Variants in ABCB9 observed in about 807,000 individuals in gnomAD.
ABCB9 encodes ATP binding cassette subfamily B member 9.
In ABCB9, 36 loss-of-function variants were observed where a neutral mutation model predicts 62.0. The observed-to-expected ratio is 0.58, with a 90% confidence interval of 0.45 to 0.77. The LOEUF (loss-of-function observed/expected upper bound fraction) is 0.77, where lower values mean the gene tolerates loss of function less well. ABCB9 is among the 30% of genes least tolerant of loss of function. The pLI, the probability that ABCB9 is intolerant of heterozygous loss-of-function variation, is 0.00. For missense variants in ABCB9, 943 were observed against 1,054.7 expected (o/e 0.89, Z 1.47); for synonymous variants, 435 against 461.4 (o/e 0.94, Z 0.73).
At position 122,940,360 on chromosome 12, in the gene ABCB9, G is replaced by A. The variant is rs928843472; in HGVS notation, c.1570-76C>T. ...ACTGGATGCCCTGACCTTGGACACAGGTGGGTGCCCTTCCCAGCCCACCCC... is the reference window on the plus strand; with the variant it reads ...ACTGGATGCCCTGACCTTGGACACAAGTGGGTGCCCTTCCCAGCCCACCCC... On this transcript the variant is annotated intron_variant, in intron 8 of 11. Transcript: ENST00000280560. The surrounding 1 kb of genome is among the most constrained non-coding windows in gnomAD (Gnocchi z 4.8). 6.7e-7 allele frequency: 1 copy of A among 1,492,192 alleles called. No individual in the cohort carries two copies. The highest frequency in any genetic ancestry group is 1.4e-5 in the African/African-American group (1 of 71,280). The allele number at this position is 1,492,192 out of a possible 1,614,324, so 92.4% of individuals were successfully genotyped here.
rs376889232 is a variant in ABCB9, at chr12:122,948,656, T to A, written c.1021A>T (p.Met341Leu). 2 of 1,613,634 alleles carry A rather than the reference T, an allele frequency of 1.2e-6. No individual in the cohort carries two copies. Among genetic ancestry groups the A allele is most frequent in the African/African-American group, 2.7e-5 (2 of 74,898 alleles). ...VTFMGFPIIMMVSNIYGKYYK... is the reference protein window; with the variant it reads ...VTFMGFPIIMLVSNIYGKYYK... The stretch of plus-strand genomic sequence containing the variant: ...TACTTGCCGTAGATGTTGGACACCA[T>A]CATGATGATGGGGAAGCCCATGAAG... Residue 341 changes from methionine (M) to leucine (L), a missense_variant, in exon 5 of 12, where the codon ATG becomes TTG. Transcript: ENST00000280560.
Position 122,948,774 on chromosome 12 carries a change from G to A in ABCB9, c.903C>T (p.Ser301=). 1 of 1,609,210 alleles carries A rather than the reference G, an allele frequency of 6.2e-7. No homozygotes were observed. Among genetic ancestry groups the A allele is most frequent in the Admixed American group, 1.7e-5 (1 of 59,340 alleles). Residue 301 remains serine (S), a synonymous_variant, in exon 5 of 12, where the codon TCC becomes TCT. Coordinates refer to ENST00000280560, the MANE Select transcript of ABCB9 (RefSeq NM_019625.4). ...SDTTMVSDLV[S]QNINVFLRNT... ...TCCGCAGGAAGACATTGATGTTCTG[G>A]GAGACCAGGTCGCTGACCATGGTGG... is the stretch of plus-strand genomic sequence containing the variant.
intron 11 of ABCB9, among the ~76,000 whole-genome samples, chr12:122,922,426 C>T (rs2034770845): frequency 6.6e-6 from 1 of 152,190 alleles, no homozygotes; most frequent in African/African-American, 2.4e-5. Context: ...GTTGCCCAGG[C>T]TGGAGTGCAG....
chr12:122,959,622 G>T lies in ABCB9; in HGVS notation c.601+13C>A. 1 of 1,532,776 alleles carries T rather than the reference G, an allele frequency of 6.5e-7. No homozygotes were observed. Among genetic ancestry groups the T allele is most frequent in the Non-Finnish European group, 8.8e-7 (1 of 1,138,866 alleles). 94.9% of individuals were successfully genotyped at this position (1,532,776 alleles called of 1,614,324 possible). A position where few individuals can be genotyped will look rare whatever the true frequency, so the allele number is the denominator to read the frequency against. ...TGTTCTGGTGGCCACATGTCCCCGA[G>T]GTCCTTACTTACCCAGAGCTGCCAC... On this transcript the variant is annotated intron_variant, in intron 2 of 11. Coordinates refer to ENST00000280560, the MANE Select transcript of ABCB9 (RefSeq NM_019625.4). The surrounding 1 kb of genome is among the most constrained non-coding windows in gnomAD (Gnocchi z 5.4).
chr12:122,964,041 C>T lies in ABCB9; in HGVS notation c.-88+2246G>A, dbSNP rs1048153630. Among the ~76,000 whole-genome samples the T allele has an allele frequency of 6.6e-6, 1 of 152,204 alleles. No individual in the cohort carries two copies. The highest frequency in any genetic ancestry group is 2.4e-5 in the African/African-American group (1 of 41,450). On this transcript the variant is annotated intron_variant, in intron 1 of 11. Coordinates refer to ENST00000280560, the MANE Select transcript of ABCB9 (RefSeq NM_019625.4). This position sits in a 1 kb window ranked among gnomAD's most constrained non-coding sequence, Gnocchi z 4.7. ...GGAAGCTCCTGGCCTGGTGCCATTC[C>T]AGGCCTCCCAGCCAAGCCACTGCCG...
In ABCB9 at chr12:122,964,537, C is replaced by T. The variant is rs923680728; in HGVS notation, c.-88+1750G>A. ...CTCCTAGCAGAGTGGACTCCAGCCC[C>T]GGGTCGGGTTACAGTCCTCGGTGGG... is the stretch of plus-strand genomic sequence containing the variant. On this transcript the variant is annotated intron_variant, in intron 1 of 11. Coordinates refer to ENST00000280560, the MANE Select transcript of ABCB9 (RefSeq NM_019625.4). The surrounding 1 kb of genome is among the most constrained non-coding windows in gnomAD (Gnocchi z 4.7). 6.6e-6 allele frequency among the ~76,000 whole-genome samples: 1 copy of T among 152,302 alleles called. No homozygotes were observed. Among genetic ancestry groups the T allele is most frequent in the East Asian group, 1.9e-4 (1 of 5,188 alleles).
chr12:122,950,330 G>C, intron 3 of ABCB9, 121 bp downstream of exon 3: 1 of 941,608 alleles, frequency 1.1e-6, no homozygotes, highest in East Asian at 2.7e-5. Context: ...TGAGGGACAG[G>C]CCCACCAGGG....
downstream of ABCB9, among the ~76,000 whole-genome samples, chr12:122,927,133 T>C (rs2034928487): frequency 6.6e-6 from 1 of 152,206 alleles, no homozygotes; most frequent in African/African-American, 2.4e-5. Context: ...CTTTCTGTAT[T>C]GTTTTGTGAC....
At chr12:122,931,071 C>T (rs993533514) in intron 11 of ABCB9, among the ~76,000 whole-genome samples, 2 of 152,166 alleles carry the variant, frequency 1.3e-5, no homozygotes, top group Non-Finnish European at 2.9e-5. Flanking sequence ...GTTGCCAAGG[C>T]TGGAGTGCAG....
Position 122,932,038 on chromosome 12 carries a change from C to G in ABCB9, c.2040+154G>C, listed in dbSNP as rs995989202. On this transcript the variant is annotated intron_variant, in intron 11 of 11. Transcript: ENST00000280560. This position sits in a 1 kb window ranked among gnomAD's most constrained non-coding sequence, Gnocchi z 4.7. ...GTCCAGAGTGGCTCCTGGCTCCCCACTCTCAACACCAGGAATTCACCAGCC... is the reference window on the plus strand; with the variant it reads ...GTCCAGAGTGGCTCCTGGCTCCCCAGTCTCAACACCAGGAATTCACCAGCC... The G allele has an allele frequency of 2.2e-6, 3 of 1,381,038 alleles. No individual in the cohort carries two copies. Among genetic ancestry groups the G allele is most frequent in the Non-Finnish European group, 3.0e-6 (3 of 1,014,926 alleles). 85.5% of individuals were successfully genotyped at this position (1,381,038 alleles called of 1,614,324 possible). A position where few individuals can be genotyped will look rare whatever the true frequency, so the allele number is the denominator to read the frequency against.
intron 1 of ABCB9, among the ~76,000 whole-genome samples, chr12:122,972,010 T>A (rs1192386901): frequency 1.3e-5 from 2 of 150,660 alleles, no homozygotes; most frequent in Non-Finnish European, 3.0e-5. Flanking sequence ...ATAAAAAGAA[T>A]GTTCATAGCA....
intron 11 of ABCB9, among the ~76,000 whole-genome samples, chr12:122,922,993 A>G (rs1471334863): frequency 6.6e-6 from 1 of 151,628 alleles, no homozygotes; most frequent in Non-Finnish European, 1.5e-5. Context: ...AGTTTTTAGT[A>G]GAGATGGGGT....
At chr12:122,941,145 T>C (rs1359132827) in intron 7 of ABCB9, 150 bp from the exon 8 acceptor site, 1 of 761,690 alleles carries the variant, frequency 1.3e-6, no homozygotes, top group African/African-American at 1.8e-5. Flanking sequence ...GTGCATTAGA[T>C]AACGACAGTA....
At chr12:122,974,520 T>G (rs1425344742) in intron 1 of ABCB9, 1 of 152,118 alleles carries the variant, frequency 6.6e-6, no homozygotes, top group Non-Finnish European at 1.5e-5. Context: ...AGTACCTAGC[T>G]CAAAGGTTTA....
downstream of ABCB9, chr12:122,924,835 T>A (rs2034847127): frequency 6.5e-7 from 1 of 1,534,180 alleles, no homozygotes; most frequent in Non-Finnish European, 8.7e-7. Flanking sequence ...AGGAGGACAG[T>A]GACATTTGCT....
Position 122,929,674 on chromosome 12 carries a change from TTAGGAGG to T in ABCB9, c.*230_*236del. ...TTTAAAAAGGCAGCTCTACCTTTGC[TTAGGAGG>T]CTAGGGAGGTCCGTGAAGGCGTTGG... On this transcript the variant is annotated 3_prime_UTR_variant, in exon 12 of 12. Transcript: ENST00000280560. This position sits in a 1 kb window ranked among gnomAD's most constrained non-coding sequence, Gnocchi z 6.0. The T allele has an allele frequency of 8.0e-7, 1 of 1,251,384 alleles. No homozygotes were observed. The highest frequency in any genetic ancestry group is 1.0e-6 in the Non-Finnish European group (1 of 997,466). The allele number at this position is 1,251,384 out of a possible 1,614,324, so 77.5% of individuals were successfully genotyped here. A position where few individuals can be genotyped will look rare whatever the true frequency, so the allele number is the denominator to read the frequency against.
rs576215012 is a variant in ABCB9 at position 122,933,803 on chromosome 12, G to A, written c.1903+1469C>T. 9.2e-4 allele frequency among the ~76,000 whole-genome samples: 140 copies of A among 152,144 alleles called. 1 individual carries two copies. The highest frequency in any genetic ancestry group is 3.4e-3 in the Middle Eastern group (1 of 294). ...TAGTTTGTATTTAATGGTGTACAAC[G>A]TGATGCTCTGAAATACATATACACT... On this transcript the variant is annotated intron_variant, in intron 10 of 11. Coordinates refer to ENST00000280560, the MANE Select transcript of ABCB9 (RefSeq NM_019625.4).
At position 122,948,642 on chromosome 12, in the gene ABCB9, G is replaced by A. The variant is rs1221824393; in HGVS notation, c.1035C>T (p.Ile345=). The A allele has an allele frequency of 6.2e-7, 1 of 1,613,182 alleles. No individual in the cohort carries two copies. The highest frequency in any genetic ancestry group is 2.2e-5 in the East Asian group (1 of 44,850). The change falls in exon 5 of 12, where the codon ATC becomes ATT. Residue 345 remains isoleucine, a synonymous_variant. Coordinates refer to ENST00000280560, the MANE Select transcript of ABCB9 (RefSeq NM_019625.4). The stretch of plus-strand genomic sequence containing the variant: ...GGCCTACCTTGTAGTACTTGCCGTA[G>A]ATGTTGGACACCATCATGATGATGG... ...GFPIIMMVSN[I]YGKYYKRLSK...
In ABCB9 at chr12:122,949,923, T is replaced by C. The variant is rs1458581212; in HGVS notation, c.717-5A>G. 1.2e-5 allele frequency: 20 copies of C among 1,614,036 alleles called. No homozygotes were observed. Among genetic ancestry groups the C allele is most frequent in the Non-Finnish European group, 1.7e-5 (20 of 1,179,916 alleles). On this transcript the variant is annotated splice_polypyrimidine_tract_variant and splice_region_variant and intron_variant, in intron 3 of 11. Coordinates refer to ENST00000280560, the MANE Select transcript of ABCB9 (RefSeq NM_019625.4). ...CGAATACCTGCGGCAAATGAGCTAA[T>C]TGCAGATAAGAGATATTATAGCACG...
Sources: allele counts gnomAD v4.1 joint callset (sites outside exome capture counted in the v4.1 genomes callset), GRCh38; gene constraint gnomAD v4.1.1; non-coding constraint Gnocchi (gnomAD v3.1); transcripts MANE v1.5; gene names NCBI Gene and HGNC (gene_info 2026-07-23, HGNC 2026-07-21).